The following NLGN4X variants were observed in gnomAD, a reference collection of about 807,000 sequenced individuals.
NLGN4X encodes the protein neuroligin 4 X-linked.
In NLGN4X, 3 loss-of-function variants were observed where a neutral mutation model predicts 40.3. The ratio of observed to expected loss-of-function variants is 0.07; its 90% CI spans 0.03 to 0.19. The LOEUF is 0.19. Among genes scored for constraint, NLGN4X ranks in the 10% least tolerant of loss-of-function variants. The pLI, the probability that NLGN4X is intolerant of heterozygous loss-of-function variation, is 1.00. For missense variants in NLGN4X, 382 were observed against 708.3 expected (o/e 0.54, Z 5.23); for synonymous variants, 270 against 306.8 (o/e 0.88, Z 1.25).
In NLGN4X at chrX:6,151,341, T is replaced by C. The variant is rs770662211; in HGVS notation, c.126A>G (p.Gln42=). 17 of 1,210,062 alleles carry C rather than the reference T, an allele frequency of 1.4e-5. No individual in the cohort carries two copies. Among genetic ancestry groups the C allele is most frequent in the Non-Finnish European group, 1.7e-5 (15 of 895,218 alleles). Residue 42 remains glutamine (Q), a synonymous_variant, in exon 2 of 6, where the codon CAA becomes CAG. Coordinates refer to ENST00000381095, the MANE Select transcript of NLGN4X (RefSeq NM_181332.3). ...LAIKFTLIDS[Q]AQYPVVNTNY... ...TTGTGTTGACAACTGGATACTGTGC[T>C]TGGCTGTCAATGAGGGTGAACTTGA... is the stretch of plus-strand genomic sequence containing the variant.
chrX:6,003,350 T>G (rs1452317444), intron 3 of NLGN4X, among the ~76,000 whole-genome samples: 1 of 112,616 alleles, frequency 8.9e-6, no homozygotes, highest in Admixed American at 9.4e-5. Context: ...GGTTTTGCTC[T>G]AAAGTGCCTT....
chrX:6,034,302 T>C (rs1052238313), intron 2 of NLGN4X, among the ~76,000 whole-genome samples: 1 of 112,382 alleles, frequency 8.9e-6, no homozygotes, highest in African/African-American at 3.2e-5. Context: ...TTTCATACTG[T>C]AGCATGCATC....
At chrX:5,945,455 CTGAA>C (rs1325155020) in intron 3 of NLGN4X, among the ~76,000 whole-genome samples, 1 of 112,239 alleles carries the variant, frequency 8.9e-6, no homozygotes, top group Non-Finnish European at 1.9e-5. Flanking sequence ...AGTAGGCTGA[CTGAA>C]TGCCTTGTTG....
chrX:5,967,977 G>T (rs979269951), intron 3 of NLGN4X, among the ~76,000 whole-genome samples: 5 of 111,178 alleles, frequency 4.5e-5, no homozygotes, highest in African/African-American at 1.6e-4. Flanking sequence ...AACCTGGGTT[G>T]GATGTCAAGG....
At chrX:6,167,908 T>C (rs2040530341) in intron 1 of NLGN4X, among the ~76,000 whole-genome samples, 1 of 111,901 alleles carries the variant, frequency 8.9e-6, no homozygotes, top group African/African-American at 3.2e-5. Flanking sequence ...CTCCCCACTG[T>C]TTTTCTTAAA....
intron 2 of NLGN4X, among the ~76,000 whole-genome samples, chrX:6,069,834 C>T (rs187669992): frequency 4.7e-4 from 53 of 112,070 alleles, no homozygotes; most frequent in African/African-American, 1.6e-3. Flanking sequence ...AGCCCCCTAA[C>T]CCTAGTTCCA....
chrX:5,973,466 T>A (rs1468965353), intron 3 of NLGN4X, among the ~76,000 whole-genome samples: 1 of 112,431 alleles, frequency 8.9e-6, no homozygotes, highest in Non-Finnish European at 1.9e-5. Context: ...GCTTGGAAGC[T>A]AAATTGTTTA....
chrX:6,160,690 T>A (rs748195467), intron 1 of NLGN4X, among the ~76,000 whole-genome samples: 1 of 108,676 alleles, frequency 9.2e-6, no homozygotes, highest in East Asian at 2.9e-4. Flanking sequence ...CCCAGCTAAT[T>A]TTTTGTATTT....
chrX:5,982,863 A>G (rs898042629), intron 3 of NLGN4X, among the ~76,000 whole-genome samples: 1 of 111,867 alleles, frequency 8.9e-6, no homozygotes, highest in Non-Finnish European at 1.9e-5. Flanking sequence ...GTCTCAAAAC[A>G]CAATACAAAC....
chrX:6,128,738 T>A (rs935454319), intron 2 of NLGN4X, among the ~76,000 whole-genome samples: 1 of 112,297 alleles, frequency 8.9e-6, no homozygotes, highest in Non-Finnish European at 1.9e-5. Flanking sequence ...ACCTGGGTAA[T>A]GGGATCTATA....
chrX:6,165,727 A>G (rs1046383239), intron 1 of NLGN4X, among the ~76,000 whole-genome samples: 2 of 111,621 alleles, frequency 1.8e-5, no homozygotes, highest in Non-Finnish European at 3.8e-5. Context: ...CAGAGGTATA[A>G]TAAATAAATC....
At position 5,978,952 on chromosome X, in the gene NLGN4X, T is replaced by C. The variant is rs1023990485; in HGVS notation, c.625+50328A>G. 6.3e-5 allele frequency among the ~76,000 whole-genome samples: 7 copies of C among 111,066 alleles called. No individual in the cohort carries two copies. The South Asian group carries it at 2.3e-3, about 37-fold the overall frequency. ...TGCCACTGCACTTCACCCTGGGTGA[T>C]AGAGTGAGACTCTGTTTAAAATATA... On this transcript the variant is annotated intron_variant, in intron 3 of 5. Coordinates refer to ENST00000381095, the MANE Select transcript of NLGN4X (RefSeq NM_181332.3).
intron 2 of NLGN4X, among the ~76,000 whole-genome samples, chrX:6,036,610 G>A (rs57268930): frequency 0.47 from 43,732 of 93,309 alleles, 8,254 homozygotes; most frequent in Admixed American, 0.53. Flanking sequence ...TGTGGCTGGC[G>A]CACACACACA....
intron 2 of NLGN4X, among the ~76,000 whole-genome samples, chrX:6,111,300 T>A (rs958148837): frequency 1.3e-4 from 14 of 111,397 alleles, no homozygotes; most frequent in Admixed American, 1.2e-3. Context: ...AGTGTCCTTA[T>A]AAAAGAGGCT....
intron 2 of NLGN4X, among the ~76,000 whole-genome samples, chrX:6,119,439 T>C (rs1245617650): frequency 2.7e-5 from 3 of 111,729 alleles, no homozygotes; most frequent in African/African-American, 9.8e-5. Flanking sequence ...TGCAAAAAGC[T>C]CAAAATAACC....
At chrX:6,162,198 G>A (rs775046971) in intron 1 of NLGN4X, among the ~76,000 whole-genome samples, 1 of 112,162 alleles carries the variant, frequency 8.9e-6, no homozygotes, top group South Asian at 3.7e-4. Flanking sequence ...GAGGTTTTGT[G>A]CAGTTTTATG....
chrX:6,183,319 G>A (rs59167447), intron 1 of NLGN4X, among the ~76,000 whole-genome samples: 3,212 of 111,466 alleles, frequency 0.029, 124 homozygotes, highest in African/African-American at 0.097. Context: ...AGGCTGAGGC[G>A]GGCAGATCAC....
chrX:6,050,776 CATCTATCTATCT>C (rs60281598), intron 2 of NLGN4X, among the ~76,000 whole-genome samples: 1 of 103,355 alleles, frequency 9.7e-6, no homozygotes, highest in African/African-American at 3.5e-5. Flanking sequence ...TCTGTCTGTC[CATCTATCTATCT>C]ATCTATCTAT....
At chrX:6,064,943 CA>C (rs1489096049) in intron 2 of NLGN4X, among the ~76,000 whole-genome samples, 3 of 111,328 alleles carry the variant, frequency 2.7e-5, no homozygotes, top group Non-Finnish European at 5.7e-5. Context: ...ATAAAAAGAA[CA>C]AAATCATGTT....
Sources: gnomAD v4.1 joint callset for allele counts (sites outside exome capture counted in the v4.1 genomes callset) on GRCh38, gnomAD v4.1.1 for gene constraint, MANE v1.5 for transcripts, NCBI Gene and HGNC (gene_info 2026-07-23, HGNC 2026-07-21) for gene names.